The following ZBTB38 variants were observed in gnomAD, a reference collection of about 807,000 sequenced individuals.
ZBTB38 encodes the protein zinc finger and BTB domain containing 38, also known as zinc finger and BTB domain-containing protein 38.
Under a neutral mutation model 76.8 loss-of-function variants are expected in ZBTB38, and 20 were observed. That is an observed-to-expected ratio of 0.26 (90% CI 0.18 to 0.38). The LOEUF is 0.38. ZBTB38 is among the 10% of genes least tolerant of loss of function. The probability of loss-of-function intolerance (pLI) is 1.00; values close to 1 mark genes in which losing one functional copy is unlikely to be tolerated. For missense variants in ZBTB38, 1,082 were observed against 1,482.3 expected (o/e 0.73, Z 4.43); for synonymous variants, 504 against 544.2 (o/e 0.93, Z 1.03).
At chr3:141,346,377 C>T (rs1227357421) in intron 1 of ZBTB38, among the ~76,000 whole-genome samples, 4 of 152,174 alleles carry the variant, frequency 2.6e-5, no homozygotes, top group Admixed American at 1.3e-4. Context: ...GAAATAAACG[C>T]TTCCCATTGG....
chr3:141,393,930 A>G (rs1949658088), intron 4 of ZBTB38, among the ~76,000 whole-genome samples: 1 of 152,102 alleles, frequency 6.6e-6, no homozygotes, highest in Non-Finnish European at 1.5e-5. Flanking sequence ...TGAAGCGCCT[A>G]CAGATTGATG....
chr3:141,340,389 A>G (rs1943137860), intron 1 of ZBTB38, among the ~76,000 whole-genome samples: 1 of 152,226 alleles, frequency 6.6e-6, no homozygotes, highest in African/African-American at 2.4e-5. Context: ...GAATTCAATA[A>G]CTAATTATTG....
At chr3:141,436,041 CTT>C (rs1395147601) in intron 5 of ZBTB38, among the ~76,000 whole-genome samples, 1 of 152,122 alleles carries the variant, frequency 6.6e-6, no homozygotes, top group Non-Finnish European at 1.5e-5. Flanking sequence ...TTCTTTCTAA[CTT>C]ATATTTCTTT....
At chr3:141,342,203 T>C (rs1559913772) in intron 1 of ZBTB38, among the ~76,000 whole-genome samples, 1 of 151,962 alleles carries the variant, frequency 6.6e-6, no homozygotes, top group Non-Finnish European at 1.5e-5. Flanking sequence ...TGCGTGCCTA[T>C]AGTCCCGGCT....
At chr3:141,436,322 C>T (rs375678636) in intron 5 of ZBTB38, among the ~76,000 whole-genome samples, 3 of 152,200 alleles carry the variant, frequency 2.0e-5, no homozygotes, top group Non-Finnish European at 4.4e-5. Context: ...GTTACACAAA[C>T]TGAACCTGCC....
chr3:141,346,811 T>TGTGC (rs1943375586), intron 1 of ZBTB38, among the ~76,000 whole-genome samples: 1 of 150,506 alleles, frequency 6.6e-6, no homozygotes, highest in Non-Finnish European at 1.5e-5. Context: ...TGTGTGTGTG[T>TGTGC]GTGTGGTGCA....
At chr3:141,374,409 C>T (rs1945057909) in intron 2 of ZBTB38, among the ~76,000 whole-genome samples, 1 of 152,060 alleles carries the variant, frequency 6.6e-6, no homozygotes, top group African/African-American at 2.4e-5. Flanking sequence ...GAAGATGATT[C>T]CTGGCATTCT....
At chr3:141,424,894 T>A (rs1041536712) in intron 5 of ZBTB38, among the ~76,000 whole-genome samples, 1 of 152,238 alleles carries the variant, frequency 6.6e-6, no homozygotes, top group Non-Finnish European at 1.5e-5. Context: ...AATAATTAAT[T>A]GGTAATAGTA....
At chr3:141,352,682 C>T (rs575452207) in intron 1 of ZBTB38, among the ~76,000 whole-genome samples, 6 of 152,016 alleles carry the variant, frequency 3.9e-5, no homozygotes, top group Non-Finnish European at 7.4e-5. Flanking sequence ...AGAGAGTGGA[C>T]GAGAGGGATG....
intron 2 of ZBTB38, among the ~76,000 whole-genome samples, chr3:141,380,429 A>C (rs1946042714): frequency 6.6e-6 from 1 of 152,224 alleles, no homozygotes; most frequent in African/African-American, 2.4e-5. Flanking sequence ...AAGTGCTTGA[A>C]AGATTTTCAT....
At chr3:141,371,050 T>TTTTC (rs1944520768) in intron 2 of ZBTB38, among the ~76,000 whole-genome samples, 1 of 117,632 alleles carries the variant, frequency 8.5e-6, no homozygotes, top group African/African-American at 4.0e-5. Flanking sequence ...TCTTTCTTTT[T>TTTTC]TTTTTTTTTT....
chr3:141,355,966 TATC>T (rs1304043899), intron 1 of ZBTB38, among the ~76,000 whole-genome samples: 1 of 152,116 alleles, frequency 6.6e-6, no homozygotes, highest in Non-Finnish European at 1.5e-5. Context: ...GAAATTCCCT[TATC>T]ATGCTTTTTT....
At chr3:141,388,217 TGG>T (rs1947724494) in intron 4 of ZBTB38, 1 of 151,996 alleles carries the variant, frequency 6.6e-6, no homozygotes, top group African/African-American at 2.4e-5. Context: ...TAAAAATAAA[TGG>T]GTTTCTGGAG....
chr3:141,364,282 A>G (rs553567186), upstream of ZBTB38, among the ~76,000 whole-genome samples: 86 of 152,010 alleles, frequency 5.7e-4, no homozygotes, highest in Non-Finnish European at 1.1e-3. Flanking sequence ...AACACCAACC[A>G]GAAATGAAAT....
chr3:141,417,612 C>CT (rs780582207), intron 5 of ZBTB38, among the ~76,000 whole-genome samples: 34 of 152,306 alleles, frequency 2.2e-4, no homozygotes, highest in South Asian at 6.2e-4. Context: ...TCCAGACATC[C>CT]TTCTAGCCAA....
intron 3 of ZBTB38, among the ~76,000 whole-genome samples, chr3:141,384,415 G>C (rs972799605): frequency 3.3e-5 from 5 of 152,242 alleles, no homozygotes; most frequent in Admixed American, 6.5e-5. Flanking sequence ...GGTCAGAGTT[G>C]ATTCCATAAC....
At chr3:141,410,173 T>G (rs1214409292) in intron 5 of ZBTB38, among the ~76,000 whole-genome samples, 6 of 152,272 alleles carry the variant, frequency 3.9e-5, no homozygotes, top group Non-Finnish European at 8.8e-5. Flanking sequence ...GGGGTCTCAA[T>G]GTAGTAGCTC....
At chr3:141,357,264 T>G (rs1943689543) in intron 1 of ZBTB38, among the ~76,000 whole-genome samples, 1 of 152,224 alleles carries the variant, frequency 6.6e-6, no homozygotes, top group Non-Finnish European at 1.5e-5. Context: ...TTGTGTGTTG[T>G]TTGTTCTATT....
At chr3:141,380,783 G>A (rs1349770068) in intron 2 of ZBTB38, among the ~76,000 whole-genome samples, 3 of 152,194 alleles carry the variant, frequency 2.0e-5, no homozygotes, top group Non-Finnish European at 4.4e-5. Flanking sequence ...GAGAAGAGGT[G>A]CATTGTTGTG....
Sources: gnomAD v4.1 joint callset for allele counts (sites outside exome capture counted in the v4.1 genomes callset) on GRCh38, gnomAD v4.1.1 for gene constraint, MANE v1.5 for transcripts, NCBI Gene and HGNC (gene_info 2026-07-23, HGNC 2026-07-21) for gene names.